Variants in METTL6 observed in about 807,000 individuals in gnomAD.
METTL6 encodes the protein methyltransferase 6, tRNA N3-cytidine.
Under a neutral mutation model 26.4 loss-of-function variants are expected in METTL6, and 22 were observed. The ratio of observed to expected loss-of-function variants is 0.83; its 90% CI spans 0.59 to 1.19. METTL6 has a LOEUF of 1.19. METTL6 is among the 50% of genes most tolerant of loss of function. The pLI is 0.00. For missense variants in METTL6, 304 were observed against 324.8 expected (o/e 0.94, Z 0.49); for synonymous variants, 109 against 116.2 (o/e 0.94, Z 0.40).
In METTL6 at chr3:15,426,338, T is replaced by G; in HGVS notation, c.174A>C (p.Lys58Asn). 6.2e-7 allele frequency: 1 copy of G among 1,614,258 alleles called. No homozygotes were observed. The highest frequency in any genetic ancestry group is 8.5e-7 in the Non-Finnish European group (1 of 1,180,048). Residue 58 changes from lysine to asparagine, a missense_variant, in exon 2 of 6, where the codon AAA becomes AAC. By Grantham distance (94) the Lys-to-Asn change is moderately conservative. Coordinates refer to ENST00000383790, the MANE Select transcript of METTL6 (RefSeq NM_152396.4). The part of the protein sequence containing the change: ...FYKRNSTNFF[K>N]DRHWTTREFE... The stretch of plus-strand genomic sequence containing the variant: ...ACTCTCTGGTGGTCCAGTGTCTGTC[T>G]TTGAAGAAATTAGTGCTATTTCTTT...
At chr3:15,396,820 T>C (rs1699501921) in intron 6 of METTL6, among the ~76,000 whole-genome samples, 1 of 152,100 alleles carries the variant, frequency 6.6e-6, no homozygotes, top group Non-Finnish European at 1.5e-5. Flanking sequence ...GAACAGAAAA[T>C]GTTGCTACTT....
chr3:15,393,368 G>T (rs1473240842), intron 6 of METTL6, among the ~76,000 whole-genome samples: 3 of 152,184 alleles, frequency 2.0e-5, no homozygotes, highest in Non-Finnish European at 4.4e-5. Context: ...CTTTGCTGAA[G>T]TTGCTTATGA....
intron 6 of METTL6, among the ~76,000 whole-genome samples, chr3:15,389,976 A>G (rs1699300831): frequency 6.6e-6 from 1 of 151,708 alleles, no homozygotes; most frequent in Non-Finnish European, 1.5e-5. Flanking sequence ...AGGGAGGCAC[A>G]GTACTGCCTT....
At chr3:15,419,225 T>C (rs1559495706) in intron 3 of METTL6, among the ~76,000 whole-genome samples, 1 of 151,640 alleles carries the variant, frequency 6.6e-6, no homozygotes, top group Non-Finnish European at 1.5e-5. Context: ...CTGAATAAAC[T>C]AGAAGAAATG....
At chr3:15,394,727 C>G (rs1699441353) in intron 6 of METTL6, among the ~76,000 whole-genome samples, 1 of 152,212 alleles carries the variant, frequency 6.6e-6, no homozygotes, top group Admixed American at 6.5e-5. Context: ...CAAAGAACAT[C>G]TTTATTTCTG....
intron 5 of METTL6, 47 bp downstream of exon 5, chr3:15,413,974 A>G: frequency 6.2e-7 from 1 of 1,612,604 alleles, no homozygotes; most frequent in Non-Finnish European, 8.5e-7. Flanking sequence ...TCAAATAAAC[A>G]GAAACAAAGA....
intron 5 of METTL6, among the ~76,000 whole-genome samples, chr3:15,413,134 A>G (rs1276682796): frequency 6.6e-6 from 1 of 152,174 alleles, no homozygotes; most frequent in Non-Finnish European, 1.5e-5. Context: ...AATCCTTGCT[A>G]CTTGGGAGGC....
chr3:15,403,654 T>C (rs532804536), intron 6 of METTL6, among the ~76,000 whole-genome samples: 5 of 152,308 alleles, frequency 3.3e-5, no homozygotes, highest in Non-Finnish European at 7.3e-5. Context: ...TTCTAGCACA[T>C]GCGCATGTTA....
intron 6 of METTL6, among the ~76,000 whole-genome samples, chr3:15,403,055 G>C (rs1309049662): frequency 6.6e-6 from 1 of 152,196 alleles, no homozygotes; most frequent in Non-Finnish European, 1.5e-5. Flanking sequence ...TAGTCTGTTA[G>C]GTCAGATTTA....
chr3:15,423,151 T>C (rs553640799), intron 3 of METTL6, among the ~76,000 whole-genome samples: 6 of 152,252 alleles, frequency 3.9e-5, no homozygotes, highest in Admixed American at 1.3e-4. Flanking sequence ...ATCCCAGCAC[T>C]TTGGGAGGCC....
At chr3:15,401,123 T>C (rs1175562948) in intron 6 of METTL6, among the ~76,000 whole-genome samples, 2 of 151,930 alleles carry the variant, frequency 1.3e-5, no homozygotes, top group Admixed American at 6.6e-5. Context: ...CACTGCAAGC[T>C]CCACCTTCCG....
intron 6 of METTL6, among the ~76,000 whole-genome samples, chr3:15,387,115 A>G (rs1699221147): frequency 6.6e-6 from 1 of 152,034 alleles, no homozygotes; most frequent in Non-Finnish European, 1.5e-5. Flanking sequence ...GGTGTTTTCT[A>G]TCTATTGGGA....
chr3:15,389,026 AT>A (rs113738338), intron 6 of METTL6, among the ~76,000 whole-genome samples: 87 of 148,754 alleles, frequency 5.8e-4, no homozygotes, highest in African/African-American at 1.5e-3. Flanking sequence ...TGCCCAGCTA[AT>A]TTTTTTTTTA....
intron 2 of METTL6, among the ~76,000 whole-genome samples, chr3:15,425,534 C>A (rs770031726): frequency 9.9e-5 from 15 of 152,190 alleles, no homozygotes; most frequent in African/African-American, 1.7e-4. Flanking sequence ...GAATCTGTCA[C>A]TGAAGTCACT....
intron 3 of METTL6, among the ~76,000 whole-genome samples, chr3:15,419,291 T>C (rs1279242023): frequency 1.3e-5 from 2 of 151,266 alleles, no homozygotes; most frequent in African/African-American, 2.4e-5. Context: ...AGAAAGAAAA[T>C]GACAAACCAA....
chr3:15,406,320 G>A (rs915994899), downstream of METTL6, among the ~76,000 whole-genome samples: 1 of 151,352 alleles, frequency 6.6e-6, no homozygotes, highest in Admixed American at 6.6e-5. Context: ...ATCCTCTGTT[G>A]TATTAATTTA....
chr3:15,413,386 G>A (rs141897609), intron 5 of METTL6, among the ~76,000 whole-genome samples: 1 of 152,196 alleles, frequency 6.6e-6, no homozygotes, highest in African/African-American at 2.4e-5. Flanking sequence ...ACCAGCATGG[G>A]CAATATGGTG....
rs557658942 is a variant in METTL6 at position 15,392,463 on chromosome 3, G to A, written c.*12-8276C>T. On this transcript the variant is annotated intron_variant, in intron 6 of 6. Transcript: ENST00000443029. ...CTGTAGGTTGCCTGTTCACTCTGAT[G>A]GTGGTTTCTTTTGCTGTGCAGAAGC... Among the ~76,000 whole-genome samples, 199 of 152,154 alleles carry A rather than the reference G, an allele frequency of 1.3e-3. 1 individual carries two copies. The highest frequency in any genetic ancestry group is 4.7e-3 in the African/African-American group (193 of 41,496).
At chr3:15,413,534 TGCACTCCA>T in intron 5 of METTL6, 1 of 732,380 alleles carries the variant, frequency 1.4e-6, no homozygotes, top group Non-Finnish European at 1.8e-6. Flanking sequence ...ATCACACCAC[TGCACTCCA>T]GCCTGGGTGA....
Sources: allele counts gnomAD v4.1 joint callset (sites outside exome capture counted in the v4.1 genomes callset), GRCh38; gene constraint gnomAD v4.1.1; transcripts MANE v1.5; gene names NCBI Gene and HGNC (gene_info 2026-07-23, HGNC 2026-07-21).